Variants in PDE1A observed in about 807,000 individuals in gnomAD.
PDE1A encodes the protein phosphodiesterase 1A, also known as dual specificity calcium/calmodulin-dependent 3',5'-cyclic nucleotide phosphodiesterase 1A.
Under a neutral mutation model 61.7 loss-of-function variants are expected in PDE1A, and 35 were observed. The ratio of observed to expected loss-of-function variants is 0.57; its 90% CI spans 0.43 to 0.75. PDE1A has a LOEUF of 0.75. Among genes scored for constraint, PDE1A ranks in the 30% least tolerant of loss-of-function variants. The probability of loss-of-function intolerance (pLI) is 0.00; values close to 1 mark genes in which losing one functional copy is unlikely to be tolerated. For missense variants in PDE1A, 597 were observed against 630.6 expected, an observed-to-expected ratio of 0.95 and a Z score of 0.57; for synonymous variants, 232 against 213.2, an observed-to-expected ratio of 1.09 and a Z score of -0.77.
chr2:182,467,019 C>G (rs567742272), intron 2 of PDE1A, among the ~76,000 whole-genome samples: 1 of 151,180 alleles, frequency 6.6e-6, no homozygotes, highest in South Asian at 2.1e-4. Context: ...AAAAAGGCAG[C>G]TAGAGATTAA....
At chr2:182,359,413 A>T (rs139645867) in intron 1 of PDE1A, among the ~76,000 whole-genome samples, 222 of 152,272 alleles carry the variant, frequency 1.5e-3, no homozygotes, top group Middle Eastern at 3.4e-3. Flanking sequence ...TTTATAACGT[A>T]AAACTGCTTT....
intron 1 of PDE1A, among the ~76,000 whole-genome samples, chr2:182,323,930 G>C (rs1047211475): frequency 6.6e-6 from 1 of 152,104 alleles, no homozygotes; most frequent in Non-Finnish European, 1.5e-5. Context: ...GGGCTGTGCA[G>C]CCTTTTCAGG....
intron 1 of PDE1A, among the ~76,000 whole-genome samples, chr2:182,285,965 T>C (rs1694132043): frequency 6.6e-6 from 1 of 152,192 alleles, no homozygotes; most frequent in Admixed American, 6.5e-5. Flanking sequence ...TTATCCTCTG[T>C]AAGTCTTAGT....
chr2:182,299,456 A>T lies in PDE1A; in HGVS notation c.54-35042T>A, dbSNP rs910855137. On this transcript the variant is annotated intron_variant, in intron 1 of 13. Coordinates refer to ENST00000351439, the Ensembl canonical transcript of PDE1A. ...CTGGCCAGGGATGTAATTCAAATGC[A>T]ATGTGGCATCCTAGATGAAATGGCA... 2.1e-5 allele frequency among the ~76,000 whole-genome samples: 3 copies of T among 145,970 alleles called. No individual in the cohort carries two copies. In the East Asian group the frequency reaches 6.0e-4, roughly 29 times the overall value.
At chr2:182,188,728 T>A (rs1685450839) in intron 11 of PDE1A, among the ~76,000 whole-genome samples, 1 of 152,160 alleles carries the variant, frequency 6.6e-6, no homozygotes, top group Non-Finnish European at 1.5e-5. Flanking sequence ...CACAAGAAAA[T>A]TTTATATTTT....
chr2:182,511,517 C>T (rs1233687030), intron 2 of PDE1A, among the ~76,000 whole-genome samples: 1 of 152,146 alleles, frequency 6.6e-6, no homozygotes, highest in African/African-American at 2.4e-5. Context: ...GCAGGGAGAG[C>T]TTCTTACAGA....
At chr2:182,587,033 C>T in the PDE1A span, among the ~76,000 whole-genome samples, 3 of 152,092 alleles carry the variant, frequency 2.0e-5, no homozygotes, top group African/African-American at 7.2e-5. Flanking sequence ...AAGGAAAAGG[C>T]ACTTAAGCAC....
chr2:182,608,453 T>A, the PDE1A span, among the ~76,000 whole-genome samples: 20,403 of 152,128 alleles, frequency 0.13, 1,553 homozygotes, highest in Middle Eastern at 0.22. Context: ...TGCGAGGAGA[T>A]GTGGAGGGAG....
chr2:182,538,216 G>T, the PDE1A span, among the ~76,000 whole-genome samples: 2 of 152,114 alleles, frequency 1.3e-5, no homozygotes, highest in Non-Finnish European at 2.9e-5. Flanking sequence ...CACATCAGGT[G>T]ACACTTCCAA....
chr2:182,545,006 G>A, the PDE1A span, among the ~76,000 whole-genome samples: 295 of 152,052 alleles, frequency 1.9e-3, 4 homozygotes, highest in East Asian at 4.0e-3. Context: ...AATAAATACC[G>A]GTCTTACTGG....
intron 1 of PDE1A, among the ~76,000 whole-genome samples, chr2:182,355,744 C>T (rs1264930476): frequency 1.3e-5 from 2 of 152,058 alleles, no homozygotes; most frequent in Admixed American, 1.3e-4. Context: ...GGCAGCAATG[C>T]TGTTTCTATG....
At chr2:182,218,160 A>C (rs974551581) in intron 7 of PDE1A, among the ~76,000 whole-genome samples, 5 of 150,494 alleles carry the variant, frequency 3.3e-5, no homozygotes, top group Non-Finnish European at 7.4e-5. Context: ...TCAGTAAACT[A>C]TCCCAAGAAC....
At chr2:182,601,111 G>A in the PDE1A span, among the ~76,000 whole-genome samples, 3 of 152,184 alleles carry the variant, frequency 2.0e-5, no homozygotes, top group East Asian at 1.9e-4. Context: ...CCACCCACTC[G>A]GCCTGGCAGG....
chr2:182,562,481 A>T, the PDE1A span, among the ~76,000 whole-genome samples: 1 of 151,546 alleles, frequency 6.6e-6, no homozygotes, highest in East Asian at 1.9e-4. Flanking sequence ...GGATTTTTGC[A>T]TCAATGTTCA....
the PDE1A span, among the ~76,000 whole-genome samples, chr2:182,540,928 T>C: frequency 7.2e-5 from 11 of 152,124 alleles, no homozygotes; most frequent in African/African-American, 2.4e-4. Context: ...TACCTAATTG[T>C]ATATTTATGC....
chr2:182,554,137 G>T, the PDE1A span, among the ~76,000 whole-genome samples: 1 of 152,088 alleles, frequency 6.6e-6, no homozygotes, highest in African/African-American at 2.4e-5. Flanking sequence ...AGACACGAGG[G>T]CCTGAAGGAA....
chr2:182,407,686 A>G (rs1702378695), intron 1 of PDE1A, among the ~76,000 whole-genome samples: 1 of 152,104 alleles, frequency 6.6e-6, no homozygotes, highest in South Asian at 2.1e-4. Context: ...CGGCCAACAT[A>G]CTTTACGTAG....
At chr2:182,665,564 C>A in the PDE1A span, among the ~76,000 whole-genome samples, 554 of 152,176 alleles carry the variant, frequency 3.6e-3, 1 homozygote, top group Admixed American at 7.4e-3. Flanking sequence ...AGTCAGGAAA[C>A]AACAGATGCT....
At chr2:182,530,505 T>C in the PDE1A span, among the ~76,000 whole-genome samples, 113,111 of 152,004 alleles carry the variant, frequency 0.74, 44,331 homozygotes, top group East Asian at 0.99. Context: ...AAACTAAAGA[T>C]GAGGAAAAAA....
Sources: gnomAD v4.1 joint callset for allele counts (sites outside exome capture counted in the v4.1 genomes callset) on GRCh38, gnomAD v4.1.1 for gene constraint, MANE v1.5 for transcripts, NCBI Gene and HGNC (gene_info 2026-07-23, HGNC 2026-07-21) for gene names.